Variants in ST3GAL5 observed in about 807,000 individuals in gnomAD.
ST3GAL5 encodes lactosylceramide alpha-2,3-sialyltransferase.
ST3GAL5 carries 25 observed loss-of-function variants against 46.1 expected under a neutral mutation model. The observed-to-expected ratio is 0.54, with a 90% confidence interval of 0.40 to 0.76. The LOEUF (loss-of-function observed/expected upper bound fraction) is 0.76, where lower values mean the gene tolerates loss of function less well. Among genes scored for constraint, ST3GAL5 ranks in the 30% least tolerant of loss-of-function variants. The probability of loss-of-function intolerance (pLI) is 0.00; values close to 1 mark genes in which losing one functional copy is unlikely to be tolerated. For synonymous variants in ST3GAL5, 182 were observed against 192.7 expected (o/e 0.94, Z 0.46); for missense variants, 431 against 521.2 (o/e 0.83, Z 1.69).
chr2:85,856,919 T>C (rs1684175344), intron 3 of ST3GAL5, among the ~76,000 whole-genome samples: 1 of 150,182 alleles, frequency 6.7e-6, no homozygotes, highest in Non-Finnish European at 1.5e-5. Flanking sequence ...TAATTATATC[T>C]CAATAAAAAT....
chr2:85,864,596 G>GA (rs67289258), intron 1 of ST3GAL5, among the ~76,000 whole-genome samples: 5 of 144,844 alleles, frequency 3.5e-5, no homozygotes, highest in Non-Finnish European at 7.6e-5. Context: ...AAAAAAAAAA[G>GA]AAAAAGAGAG....
At position 85,838,005 on chromosome 2, in the gene ST3GAL5, G is replaced by C. The variant is rs1392033392; in HGVS notation, c.*2139C>G. On this transcript the variant is annotated 3_prime_UTR_variant, in exon 7 of 7. Transcript: ENST00000638572. ...GGAGTAATGGGGGCACAGCTCTGAA[G>C]TGAAGATGCAACTTCCAACAAATGA... 1 of 152,468 alleles carries C rather than the reference G, an allele frequency of 6.6e-6. No homozygotes were observed. The highest frequency in any genetic ancestry group is 2.4e-5 in the African/African-American group (1 of 41,560). The allele number at this position is 152,468 out of a possible 1,614,324, so 9.4% of individuals were successfully genotyped here. A position where few individuals can be genotyped will look rare whatever the true frequency, so the allele number is the denominator to read the frequency against.
chr2:85,848,497 T>A, intron 3 of ST3GAL5: 1 of 1,070,408 alleles, frequency 9.3e-7, no homozygotes, highest in Non-Finnish European at 1.3e-6. Flanking sequence ...CAAATACATT[T>A]GGGGTGAAAA....
At chr2:85,841,275 T>G (rs1190816646) in intron 6 of ST3GAL5, among the ~76,000 whole-genome samples, 1 of 151,778 alleles carries the variant, frequency 6.6e-6, no homozygotes, top group East Asian at 1.9e-4. Context: ...CCAGGCCATT[T>G]CCCTATGTAG....
intron 1 of ST3GAL5, among the ~76,000 whole-genome samples, chr2:85,873,719 C>T (rs1323780053): frequency 6.6e-6 from 1 of 152,150 alleles, no homozygotes; most frequent in African/African-American, 2.4e-5. Context: ...GTAAATCCCA[C>T]AAACAGCTAA....
intron 1 of ST3GAL5, among the ~76,000 whole-genome samples, chr2:85,864,171 C>T (rs1159216304): frequency 6.6e-6 from 1 of 152,182 alleles, no homozygotes; most frequent in East Asian, 1.9e-4. Context: ...GTATCCATGT[C>T]AGATTCCAGC....
intron 1 of ST3GAL5, chr2:85,875,558 G>A (rs1170189908): frequency 6.6e-6 from 1 of 151,952 alleles, no homozygotes; most frequent in Non-Finnish European, 1.5e-5. Flanking sequence ...ACATTTCAAA[G>A]GAAGAACAAG....
At chr2:85,868,074 A>G (rs1052682311) in intron 1 of ST3GAL5, 2 of 211,140 alleles carry the variant, frequency 9.5e-6, no homozygotes, top group African/African-American at 4.5e-5. Context: ...AACAACAGAC[A>G]AACGGCAGAG....
intron 3 of ST3GAL5, among the ~76,000 whole-genome samples, chr2:85,860,152 T>G (rs1684564299): frequency 6.6e-6 from 1 of 152,208 alleles, no homozygotes; most frequent in South Asian, 2.1e-4. Flanking sequence ...TGATGAAAGT[T>G]AAATGAGCTA....
intron 6 of ST3GAL5, among the ~76,000 whole-genome samples, chr2:85,842,315 C>G (rs1052168506): frequency 1.3e-5 from 2 of 152,218 alleles, no homozygotes; most frequent in Non-Finnish European, 2.9e-5. Flanking sequence ...CAGTGACCAT[C>G]TTGTCACACA....
intron 6 of ST3GAL5, chr2:85,840,636 C>T (rs1415030153): frequency 1.9e-6 from 1 of 536,898 alleles, no homozygotes; most frequent in East Asian, 3.4e-5. Flanking sequence ...ACAATTCTTA[C>T]ACCAAGTTAA....
chr2:85,837,699 C>T lies in ST3GAL5; in HGVS notation c.*2445G>A, dbSNP rs1197080823. On this transcript the variant is annotated 3_prime_UTR_variant, in exon 7 of 7. Coordinates refer to ENST00000638572, the MANE Select transcript of ST3GAL5 (RefSeq NM_003896.4). The stretch of plus-strand genomic sequence containing the variant: ...ACATGGACCCTCAAAATATGCACAT[C>T]ACTATGTATCAATCAAAAATTAAAA... 1.3e-5 allele frequency: 2 copies of T among 152,150 alleles called. No individual in the cohort carries two copies. Among genetic ancestry groups the T allele is most frequent in the African/African-American group, 4.8e-5 (2 of 41,432 alleles). 9.4% of individuals were successfully genotyped at this position (152,150 alleles called of 1,614,324 possible).
At position 85,888,889 on chromosome 2, in the gene ST3GAL5, G is replaced by T; in HGVS notation, c.17C>A (p.Ala6Glu). MRTKA[A>E]GCAERRPLQP... Reference sequence around the variant, plus strand: ...CAGGGGACGCCGCTCCGCGCAGCCCGCCGCCTTCGTCCGCATACTAATGAG... The same window carrying T: ...CAGGGGACGCCGCTCCGCGCAGCCCTCCGCCTTCGTCCGCATACTAATGAG... Residue 6 changes from alanine (A) to glutamate (E), a missense_variant, in exon 1 of 7, where the codon GCG (alanine) becomes GAG (glutamate). Transcript: ENST00000638572. 1 of 1,372,436 alleles carries T rather than the reference G, an allele frequency of 7.3e-7. No homozygotes were observed. The highest frequency in any genetic ancestry group is 1.5e-5 in the South Asian group (1 of 64,554). The allele number at this position is 1,372,436 out of a possible 1,614,324, so 85.0% of individuals were successfully genotyped here.
chr2:85,858,608 C>T (rs997884828), intron 3 of ST3GAL5, among the ~76,000 whole-genome samples: 2 of 152,156 alleles, frequency 1.3e-5, no homozygotes, highest in African/African-American at 4.8e-5. Flanking sequence ...CACACCCGGT[C>T]AGACCCCTGA....
chr2:85,847,824 AAAT>A, intron 4 of ST3GAL5, 34 bp downstream of exon 4: 2 of 1,609,210 alleles, frequency 1.2e-6, no homozygotes, highest in Non-Finnish European at 1.7e-6. Flanking sequence ...AAAACAATAA[AAAT>A]AAGTAAACAA....
chr2:85,846,619 T>G, intron 4 of ST3GAL5, 56 bp from the exon 5 acceptor site: 122 of 1,517,920 alleles, frequency 8.0e-5, no homozygotes, highest in Non-Finnish European at 1.1e-4. Flanking sequence ...CAACCATCTC[T>G]GTACACCAGG....
At chr2:85,843,790 C>T (rs1682433017) in intron 6 of ST3GAL5, among the ~76,000 whole-genome samples, 1 of 152,302 alleles carries the variant, frequency 6.6e-6, no homozygotes, top group Non-Finnish European at 1.5e-5. Flanking sequence ...CTGCAATAAA[C>T]AGCCTAGAGC....
chr2:85,862,995 C>T (rs530594400), intron 2 of ST3GAL5, among the ~76,000 whole-genome samples: 9 of 152,284 alleles, frequency 5.9e-5, no homozygotes, highest in Non-Finnish European at 1.2e-4. Flanking sequence ...CAAGGGCCTT[C>T]AGGGAAATTT....
At chr2:85,856,473 G>A (rs1287886900) in intron 3 of ST3GAL5, 6 of 152,108 alleles carry the variant, frequency 3.9e-5, no homozygotes. Flanking sequence ...TTTCTTTTTG[G>A]GATACTAAAA....
Sources: allele counts gnomAD v4.1 joint callset (sites outside exome capture counted in the v4.1 genomes callset), GRCh38; gene constraint gnomAD v4.1.1; transcripts MANE v1.5; gene names NCBI Gene and HGNC (gene_info 2026-07-23, HGNC 2026-07-21).